AKAP6: variants seen among roughly 807,000 people sequenced by gnomAD.
AKAP6 encodes the protein A-kinase anchor protein 6.
Under a neutral mutation model 188.5 loss-of-function variants are expected in AKAP6, and 58 were observed. That is an observed-to-expected ratio of 0.31 (90% confidence interval 0.25 to 0.38). The LOEUF is 0.38. Ranked by LOEUF, AKAP6 falls within the 10% of genes least tolerant of loss-of-function variation. The pLI is 1.00. For synonymous variants in AKAP6, 989 were observed against 998.6 expected, an observed-to-expected ratio of 0.99 and a Z score of 0.18; for missense variants, 2,710 against 2,740.0, an observed-to-expected ratio of 0.99 and a Z score of 0.24.
chr14:32,417,174 C>T (rs1889686194), intron 1 of AKAP6, among the ~76,000 whole-genome samples: 1 of 152,132 alleles, frequency 6.6e-6, no homozygotes, highest in Admixed American at 6.6e-5. Flanking sequence ...GACTGCTTCA[C>T]AGTCTGAATC....
chr14:32,624,715 A>G (rs980302707), intron 7 of AKAP6, among the ~76,000 whole-genome samples: 2 of 152,134 alleles, frequency 1.3e-5, no homozygotes, highest in African/African-American at 4.8e-5. Flanking sequence ...CCCTATAATT[A>G]GGAAGAAAAT....
intron 9 of AKAP6, among the ~76,000 whole-genome samples, chr14:32,709,373 G>C (rs1296924011): frequency 6.6e-6 from 1 of 151,864 alleles, no homozygotes. Flanking sequence ...CCACACTGCT[G>C]CTCAGAACTA....
intron 2 of AKAP6, among the ~76,000 whole-genome samples, chr14:32,455,677 C>T (rs1251113324): frequency 6.6e-6 from 1 of 152,098 alleles, no homozygotes; most frequent in Non-Finnish European, 1.5e-5. Context: ...AAAATTGGTT[C>T]ACTTTAAAAT....
At chr14:32,460,675 G>GT (rs1346740711) in intron 2 of AKAP6, among the ~76,000 whole-genome samples, 5 of 152,174 alleles carry the variant, frequency 3.3e-5, no homozygotes, top group Non-Finnish European at 5.9e-5. Context: ...AGCTGCAGGA[G>GT]TTTTTTTCAT....
intron 2 of AKAP6, among the ~76,000 whole-genome samples, chr14:32,454,374 G>A (rs1891047651): frequency 6.6e-6 from 1 of 152,168 alleles, no homozygotes; most frequent in African/African-American, 2.4e-5. Flanking sequence ...CGAGTCATGT[G>A]CTAGAACACA....
intron 4 of AKAP6, among the ~76,000 whole-genome samples, chr14:32,575,818 A>G (rs895249994): frequency 6.6e-6 from 1 of 152,130 alleles, no homozygotes; most frequent in African/African-American, 2.4e-5. Flanking sequence ...ACTGAGCTCT[A>G]TCTAAACAGG....
At chr14:32,758,581 A>G (rs1489825988) in intron 11 of AKAP6, among the ~76,000 whole-genome samples, 3 of 152,088 alleles carry the variant, frequency 2.0e-5, no homozygotes, top group Admixed American at 6.5e-5. Context: ...TAAAAATACA[A>G]AATTATCCAG....
At chr14:32,800,171 TATAC>T (rs1478728602) in intron 12 of AKAP6, among the ~76,000 whole-genome samples, 1 of 116,676 alleles carries the variant, frequency 8.6e-6, no homozygotes, top group East Asian at 2.2e-4. Context: ...TACACATATA[TATAC>T]ATATATATAT....
chr14:32,716,792 T>C (rs990435023), intron 9 of AKAP6, among the ~76,000 whole-genome samples: 101 of 151,900 alleles, frequency 6.6e-4, no homozygotes, highest in African/African-American at 2.3e-3. Flanking sequence ...TTACAATACA[T>C]TATTTCTAAG....
chr14:32,614,043 T>C (rs1221127522), intron 7 of AKAP6, among the ~76,000 whole-genome samples: 1 of 152,218 alleles, frequency 6.6e-6, no homozygotes, highest in Non-Finnish European at 1.5e-5. Flanking sequence ...TAATCAGTAA[T>C]TGAAAATTTC....
chr14:32,638,472 G>A (rs1887612064), intron 7 of AKAP6, among the ~76,000 whole-genome samples: 1 of 152,056 alleles, frequency 6.6e-6, no homozygotes, highest in South Asian at 2.1e-4. Flanking sequence ...ATATTTGAGG[G>A]AGAGAAATAG....
intron 10 of AKAP6, 141 bp downstream of exon 10, chr14:32,732,741 A>G (rs1291388337): frequency 3.1e-6 from 3 of 967,618 alleles, no homozygotes; most frequent in African/African-American, 1.6e-5. Flanking sequence ...TATTCATGCT[A>G]TTATGGGAAA....
intron 7 of AKAP6, among the ~76,000 whole-genome samples, chr14:32,646,501 C>A (rs1224189572): frequency 6.6e-6 from 1 of 152,108 alleles, no homozygotes; most frequent in Non-Finnish European, 1.5e-5. Flanking sequence ...AAATTCAAAT[C>A]TTTTATGTTT....
At chr14:32,502,570 T>C (rs115138385) in intron 2 of AKAP6, among the ~76,000 whole-genome samples, 2,383 of 152,276 alleles carry the variant, frequency 0.016, 74 homozygotes, top group African/African-American at 0.053. Context: ...CTGGCCTTTC[T>C]AACAGTTTCT....
intron 2 of AKAP6, among the ~76,000 whole-genome samples, chr14:32,444,774 A>C (rs144513610): frequency 6.6e-6 from 1 of 152,148 alleles, no homozygotes; most frequent in Admixed American, 6.5e-5. Flanking sequence ...CTTTTCCAAA[A>C]ATGTAATTTC....
At chr14:32,686,132 T>G (rs1446404787) in intron 8 of AKAP6, among the ~76,000 whole-genome samples, 1 of 152,206 alleles carries the variant, frequency 6.6e-6, no homozygotes, top group African/African-American at 2.4e-5. Flanking sequence ...CTTCTGTCAT[T>G]TGCAACGACG....
intron 2 of AKAP6, among the ~76,000 whole-genome samples, chr14:32,471,563 G>T (rs1269634203): frequency 6.6e-6 from 1 of 152,204 alleles, no homozygotes; most frequent in African/African-American, 2.4e-5. Flanking sequence ...ATAGGCCATT[G>T]TCTTTTCTCC....
chr14:32,502,177 G>C (rs1024660591), intron 2 of AKAP6, among the ~76,000 whole-genome samples: 1 of 152,126 alleles, frequency 6.6e-6, no homozygotes, highest in African/African-American at 2.4e-5. Flanking sequence ...GTGCTTAGAA[G>C]AATAGTAACA....
At chr14:32,554,904 A>G (rs1883626148) in intron 4 of AKAP6, among the ~76,000 whole-genome samples, 1 of 152,236 alleles carries the variant, frequency 6.6e-6, no homozygotes, top group Non-Finnish European at 1.5e-5. Flanking sequence ...GTCCTGGAAG[A>G]TACGACTTAG....
Sources: allele counts gnomAD v4.1 joint callset (sites outside exome capture counted in the v4.1 genomes callset), GRCh38; gene constraint gnomAD v4.1.1; transcripts MANE v1.5; gene names NCBI Gene and HGNC (gene_info 2026-07-23, HGNC 2026-07-21).